Variants in GALNT17 observed in about 807,000 individuals in gnomAD.
GALNT17 encodes the protein UDP-GalNAc:polypeptide N-acetylgalactosaminyltransferase-like 3.
In GALNT17, 29 loss-of-function variants were observed where a neutral mutation model predicts 63.7. The observed-to-expected ratio is 0.46, with a 90% CI of 0.34 to 0.62. The LOEUF (loss-of-function observed/expected upper bound fraction) is 0.62. GALNT17 is among the 20% of genes least tolerant of loss of function. GALNT17 has a pLI of 0.01. For missense variants in GALNT17, 603 were observed against 799.6 expected, an observed-to-expected ratio of 0.75 and a Z score of 2.97; for synonymous variants, 305 against 318.3, an observed-to-expected ratio of 0.96 and a Z score of 0.45.
intron 6 of GALNT17, among the ~76,000 whole-genome samples, chr7:71,582,847 A>G (rs916125774): frequency 1.3e-5 from 2 of 152,102 alleles, no homozygotes; most frequent in East Asian, 3.9e-4. Flanking sequence ...GGGAAAAAAG[A>G]CTACAAATAG....
At chr7:71,705,692 A>G (rs939545291) in intron 9 of GALNT17, among the ~76,000 whole-genome samples, 4 of 152,200 alleles carry the variant, frequency 2.6e-5, no homozygotes, top group African/African-American at 9.7e-5. Context: ...GAGACACATT[A>G]AAGCAGCACA....
intron 6 of GALNT17, among the ~76,000 whole-genome samples, chr7:71,651,141 A>C (rs1790748125): frequency 6.8e-6 from 1 of 146,674 alleles, no homozygotes; most frequent in South Asian, 2.3e-4. Flanking sequence ...GGACAGAAAT[A>C]GAGTGAGAGC....
At chr7:71,520,298 C>T (rs184280042) in intron 5 of GALNT17, among the ~76,000 whole-genome samples, 10 of 152,118 alleles carry the variant, frequency 6.6e-5, no homozygotes, top group Admixed American at 4.6e-4. Context: ...CCGAGGTGAG[C>T]GGATCACCTG....
intron 6 of GALNT17, among the ~76,000 whole-genome samples, chr7:71,630,545 T>C (rs1790440254): frequency 6.6e-6 from 1 of 152,200 alleles, no homozygotes; most frequent in Non-Finnish European, 1.5e-5. Flanking sequence ...CGGAATTTCA[T>C]TGATGCTTGT....
intron 6 of GALNT17, among the ~76,000 whole-genome samples, chr7:71,607,057 A>C (rs914241867): frequency 1.3e-5 from 2 of 152,184 alleles, no homozygotes; most frequent in Non-Finnish European, 2.9e-5. Flanking sequence ...CTGTAATCCC[A>C]GCACTTTGGG....
intron 1 of GALNT17, among the ~76,000 whole-genome samples, chr7:71,322,539 G>C (rs1326963051): frequency 1.3e-5 from 2 of 152,136 alleles, no homozygotes; most frequent in Admixed American, 6.5e-5. Context: ...CAAATCTAGA[G>C]ACCTCTTAGT....
intron 5 of GALNT17, among the ~76,000 whole-genome samples, chr7:71,490,250 C>CT (rs1787984522): frequency 1.4e-5 from 2 of 139,248 alleles, no homozygotes; most frequent in Admixed American, 1.4e-4. Context: ...GGGCGAGACT[C>CT]TGTCTCAAAA....
intron 5 of GALNT17, among the ~76,000 whole-genome samples, chr7:71,443,440 C>T (rs1787104114): frequency 6.6e-6 from 1 of 152,114 alleles, no homozygotes; most frequent in African/African-American, 2.4e-5. Context: ...GGGGACAGAC[C>T]CCTCATGAAT....
intron 1 of GALNT17, among the ~76,000 whole-genome samples, chr7:71,206,832 G>A (rs1464146922): frequency 8.5e-5 from 13 of 152,120 alleles, no homozygotes; most frequent in Non-Finnish European, 1.6e-4. Context: ...TAGGCCGGGC[G>A]TGGTGGCTCA....
rs191354326 is a variant in GALNT17, at chr7:71,355,219, C to G, written c.422+19486C>G. 4.4e-3 allele frequency among the ~76,000 whole-genome samples: 662 copies of G among 152,160 alleles called. 1 individual carries two copies. Among genetic ancestry groups the G allele is most frequent in the Middle Eastern group, 0.01 (3 of 294 alleles). ...TGCTTTTTATGTTTATTATTGCCTT[C>G]CTTGTATTTTCTTTTGACTTACTTT... On this transcript the variant is annotated intron_variant, in intron 2 of 10. Transcript: ENST00000333538.
At chr7:71,494,308 A>G (rs893089656) in intron 5 of GALNT17, among the ~76,000 whole-genome samples, 1 of 152,024 alleles carries the variant, frequency 6.6e-6, no homozygotes, top group Non-Finnish European at 1.5e-5. Flanking sequence ...ACACGTGGGG[A>G]TTATGGGGAT....
At chr7:71,485,797 A>AGGTGGC (rs1787898992) in intron 5 of GALNT17, among the ~76,000 whole-genome samples, 1 of 152,222 alleles carries the variant, frequency 6.6e-6, no homozygotes, top group African/African-American at 2.4e-5. Flanking sequence ...CCATCCTCTG[A>AGGTGGC]AATCCATCAG....
At chr7:71,227,488 A>C (rs912874240) in intron 1 of GALNT17, among the ~76,000 whole-genome samples, 7 of 152,062 alleles carry the variant, frequency 4.6e-5, no homozygotes, top group African/African-American at 1.7e-4. Flanking sequence ...AGCATTTCTC[A>C]CCCATTTTCC....
At chr7:71,601,248 T>C (rs1258827492) in intron 6 of GALNT17, among the ~76,000 whole-genome samples, 1 of 152,158 alleles carries the variant, frequency 6.6e-6, no homozygotes, top group African/African-American at 2.4e-5. Context: ...TAAACATGCA[T>C]GTGCAGGTAT....
intron 1 of GALNT17, among the ~76,000 whole-genome samples, chr7:71,268,595 TA>T (rs1298665823): frequency 5.4e-5 from 8 of 147,132 alleles, no homozygotes; most frequent in African/African-American, 2.0e-4. Context: ...AAATAAATAT[TA>T]AAAAAAAGAG....
At chr7:71,630,991 G>A (rs551454987) in intron 6 of GALNT17, among the ~76,000 whole-genome samples, 1 of 152,162 alleles carries the variant, frequency 6.6e-6, no homozygotes, top group Non-Finnish European at 1.5e-5. Context: ...TGGGTACCAG[G>A]CCCTATTCTG....
chr7:71,144,724 C>G (rs1787981935), intron 1 of GALNT17, among the ~76,000 whole-genome samples: 1 of 151,832 alleles, frequency 6.6e-6, no homozygotes, highest in South Asian at 2.1e-4. Context: ...TGAAGGAGTT[C>G]TGGGCTGGGG....
intron 5 of GALNT17, among the ~76,000 whole-genome samples, chr7:71,468,933 T>G (rs1412306846): frequency 6.6e-6 from 1 of 152,196 alleles, no homozygotes; most frequent in East Asian, 1.9e-4. Flanking sequence ...CAACAGAAGC[T>G]CTTGCCTCTG....
chr7:71,374,161 C>G (rs1792677946), intron 2 of GALNT17, among the ~76,000 whole-genome samples: 1 of 152,184 alleles, frequency 6.6e-6, no homozygotes, highest in Non-Finnish European at 1.5e-5. Flanking sequence ...TTCCTCCACT[C>G]ACACCTTCCT....
Sources: allele counts gnomAD v4.1 joint callset (sites outside exome capture counted in the v4.1 genomes callset), GRCh38; gene constraint gnomAD v4.1.1; transcripts MANE v1.5; gene names NCBI Gene and HGNC (gene_info 2026-07-23, HGNC 2026-07-21).